The following GALNTL6 variants were observed in gnomAD, a reference collection of about 807,000 sequenced individuals.
GALNTL6 encodes polypeptide N-acetylgalactosaminyltransferase-like 6.
Under a neutral mutation model 73.7 loss-of-function variants are expected in GALNTL6, and 46 were observed. That is an observed-to-expected ratio of 0.62 (90% confidence interval 0.49 to 0.80). The LOEUF is 0.80. Among genes scored for constraint, GALNTL6 ranks in the 30% least tolerant of loss-of-function variants. The probability of loss-of-function intolerance (pLI) is 0.00; values close to 1 mark genes in which losing one functional copy is unlikely to be tolerated. For synonymous variants in GALNTL6, 259 were observed against 263.7 expected, an observed-to-expected ratio of 0.98 and a Z score of 0.17; for missense variants, 604 against 755.0, an observed-to-expected ratio of 0.80 and a Z score of 2.34.
chr4:172,658,327 C>T lies in GALNTL6; in HGVS notation c.554-151034C>T, dbSNP rs1380349600. ...TAAAAATACCAAAAAATTAGCCGGG[C>T]GTGGTGGCGGACGCCTGTATTCCCA... is the stretch of plus-strand genomic sequence containing the variant. On this transcript the variant is annotated intron_variant, in intron 5 of 12. Transcript: ENST00000506823. Among the ~76,000 whole-genome samples the T allele has an allele frequency of 4.0e-5, 6 of 148,696 alleles. No homozygotes were observed. In the South Asian group the frequency reaches 6.4e-4, roughly 16 times the overall value.
Position 172,938,985 on chromosome 4 carries a change from C to T in GALNTL6, c.1149+7717C>T, listed in dbSNP as rs557640929. ...ATACTGCAATTATATGTTTGCTTCT[C>T]TCCTGACTTGGTCACAGTTTAAAAT... is the stretch of plus-strand genomic sequence containing the variant. On this transcript the variant is annotated intron_variant, in intron 9 of 12. Coordinates refer to ENST00000506823, the MANE Select transcript of GALNTL6 (RefSeq NM_001034845.3). 3.5e-4 allele frequency among the ~76,000 whole-genome samples: 53 copies of T among 152,320 alleles called. 1 individual carries two copies. Among genetic ancestry groups the T allele is most frequent in the South Asian group, 2.1e-3 (10 of 4,830 alleles).
At chr4:172,801,901 G>A (rs541794164) in intron 5 of GALNTL6, among the ~76,000 whole-genome samples, 1 of 152,132 alleles carries the variant, frequency 6.6e-6, no homozygotes, top group African/African-American at 2.4e-5. Flanking sequence ...TACCCAACAT[G>A]ATGATAAGGA....
intron 8 of GALNTL6, among the ~76,000 whole-genome samples, chr4:172,889,055 C>G (rs568717997): frequency 1.3e-5 from 2 of 152,100 alleles, no homozygotes; most frequent in African/African-American, 4.8e-5. Flanking sequence ...ATTCAACTCT[C>G]AGCTTGAATG....
chr4:172,458,458 A>C (rs995004098), intron 5 of GALNTL6, among the ~76,000 whole-genome samples: 3 of 151,974 alleles, frequency 2.0e-5, no homozygotes, highest in African/African-American at 7.3e-5. Context: ...AGATCAACAA[A>C]ATAGATAGAC....
At chr4:172,156,063 T>C (rs1374974091) in intron 2 of GALNTL6, among the ~76,000 whole-genome samples, 3 of 151,926 alleles carry the variant, frequency 2.0e-5, no homozygotes, top group Admixed American at 1.3e-4. Context: ...ACAGGCTGTT[T>C]TAACGAGCGC....
chr4:172,438,112 T>G (rs1731701893), intron 5 of GALNTL6, among the ~76,000 whole-genome samples: 2 of 152,136 alleles, frequency 1.3e-5, no homozygotes, highest in African/African-American at 2.4e-5. Context: ...TTGAAATATT[T>G]TAGCTGTGAT....
At chr4:172,868,792 G>A (rs944027574) in intron 7 of GALNTL6, among the ~76,000 whole-genome samples, 2 of 151,934 alleles carry the variant, frequency 1.3e-5, no homozygotes, top group African/African-American at 4.8e-5. Flanking sequence ...GTATATAGAA[G>A]ATTTGGCCAT....
intron 2 of GALNTL6, among the ~76,000 whole-genome samples, chr4:172,059,526 T>A (rs905044045): frequency 2.2e-4 from 34 of 152,238 alleles, no homozygotes; most frequent in African/African-American, 8.2e-4. Context: ...CTTGAACCGT[T>A]GTCTAATATA....
chr4:173,002,234 C>A (rs1752074473), intron 10 of GALNTL6, among the ~76,000 whole-genome samples: 1 of 149,570 alleles, frequency 6.7e-6, no homozygotes, highest in Non-Finnish European at 1.5e-5. Flanking sequence ...TACTAAATTA[C>A]CAAAAGTTAG....
chr4:172,409,079 T>C (rs1317093934), intron 5 of GALNTL6, among the ~76,000 whole-genome samples: 2 of 152,098 alleles, frequency 1.3e-5, no homozygotes, highest in Admixed American at 6.6e-5. Flanking sequence ...AATCTTGTTA[T>C]TGCTACTCAA....
intron 2 of GALNTL6, among the ~76,000 whole-genome samples, chr4:171,900,424 C>T (rs893865442): frequency 7.2e-5 from 11 of 152,028 alleles, no homozygotes; most frequent in Admixed American, 6.6e-4. Context: ...TTTCCTGCCT[C>T]AGCTTCCCAA....
intron 2 of GALNTL6, among the ~76,000 whole-genome samples, chr4:172,151,558 A>C: frequency 6.6e-6 from 1 of 152,202 alleles, no homozygotes; most frequent in East Asian, 1.9e-4. Flanking sequence ...CGTCAGGAGG[A>C]GTGTTTTGGA....
At chr4:172,909,968 T>A (rs1747112885) in intron 8 of GALNTL6, among the ~76,000 whole-genome samples, 1 of 151,994 alleles carries the variant, frequency 6.6e-6, no homozygotes, top group African/African-American at 2.4e-5. Context: ...TGTAACTTTA[T>A]TTTTACTAGT....
intron 5 of GALNTL6, among the ~76,000 whole-genome samples, chr4:172,480,036 G>A (rs1370196739): frequency 3.9e-5 from 6 of 152,074 alleles, no homozygotes; most frequent in South Asian, 2.1e-4. Context: ...ATCATCACTC[G>A]TGGCCAGGCT....
At chr4:172,302,633 G>C (rs1219137497) in intron 3 of GALNTL6, among the ~76,000 whole-genome samples, 1 of 152,086 alleles carries the variant, frequency 6.6e-6, no homozygotes, top group African/African-American at 2.4e-5. Flanking sequence ...ATGCTGGCAA[G>C]AAAATAAAAA....
At position 172,909,133 on chromosome 4, in the gene GALNTL6, C is replaced by T. The variant is rs541039779; in HGVS notation, c.1042-22028C>T. On this transcript the variant is annotated intron_variant, in intron 8 of 12. Coordinates refer to ENST00000506823, the MANE Select transcript of GALNTL6 (RefSeq NM_001034845.3). ...AAGACGGAGACAATAGTTTCCTCAGCGATAGTACAGAACAACTACCCATTT... is the reference window on the plus strand; with the variant it reads ...AAGACGGAGACAATAGTTTCCTCAGTGATAGTACAGAACAACTACCCATTT... Among the ~76,000 whole-genome samples, 198 of 151,424 alleles carry T rather than the reference C, an allele frequency of 1.3e-3. 1 individual carries two copies. Among genetic ancestry groups the T allele is most frequent in the Middle Eastern group, 3.4e-3 (1 of 294 alleles).
intron 5 of GALNTL6, among the ~76,000 whole-genome samples, chr4:172,375,897 C>A (rs1421307615): frequency 6.6e-6 from 1 of 152,110 alleles, no homozygotes; most frequent in Non-Finnish European, 1.5e-5. Context: ...ATGTTATGCC[C>A]CAAAAATGAA....
At chr4:172,666,537 G>A (rs1194508925) in intron 5 of GALNTL6, among the ~76,000 whole-genome samples, 1 of 152,124 alleles carries the variant, frequency 6.6e-6, no homozygotes, top group African/African-American at 2.4e-5. Flanking sequence ...CTGTGAGGAC[G>A]TCTGCCCAGC....
intron 5 of GALNTL6, among the ~76,000 whole-genome samples, chr4:172,566,021 C>T (rs1736542878): frequency 1.3e-5 from 2 of 151,864 alleles, no homozygotes; most frequent in Admixed American, 6.6e-5. Flanking sequence ...AGTCACTCAC[C>T]ATCAGAACAC....
Sources: allele counts gnomAD v4.1 joint callset (sites outside exome capture counted in the v4.1 genomes callset), GRCh38; gene constraint gnomAD v4.1.1; transcripts MANE v1.5; gene names NCBI Gene and HGNC (gene_info 2026-07-23, HGNC 2026-07-21).